The following WBP2 variants were observed in gnomAD, a reference collection of about 807,000 sequenced individuals.
WBP2 encodes the protein WW domain-binding protein 2.
Under a neutral mutation model 33.0 loss-of-function variants are expected in WBP2, and 23 were observed. The observed-to-expected ratio is 0.70, with a 90% CI of 0.50 to 0.99. WBP2 has a LOEUF of 0.99. Ranked by LOEUF, WBP2 falls within the 50% of genes least tolerant of loss-of-function variation. WBP2 has a pLI of 0.00. For synonymous variants in WBP2, 153 were observed against 133.5 expected, an observed-to-expected ratio of 1.15 and a Z score of -1.01; for missense variants, 353 against 358.0, an observed-to-expected ratio of 0.99 and a Z score of 0.11.
At chr17:75,855,412 G>A (rs558882993), upstream of WBP2, 1 of 1,243,110 alleles carries the variant, frequency 8.0e-7, no homozygotes, top group Non-Finnish European at 1.2e-6. Context: ...CGAGTGCGGA[G>A]GCTGGCCCAA....
chr17:75,848,850 A>AGCCTG (rs1386608488), intron 3 of WBP2, 188 bp from the exon 4 acceptor site: 102 of 616,942 alleles, frequency 1.7e-4, no homozygotes, highest in Non-Finnish European at 5.2e-5. Context: ...CCAGCACTGC[A>AGCCTG]GCCTGGCCTG....
At position 75,848,232 on chromosome 17, in the gene WBP2, T is replaced by C. The variant is rs1050999588; in HGVS notation, c.398-302A>G. 6 of 585,288 alleles carry C rather than the reference T, an allele frequency of 1.0e-5. No individual in the cohort carries two copies. The African/African-American group carries it at 1.1e-4, about 11-fold the overall frequency. The allele number at this position is 585,288 out of a possible 1,614,324, so 36.3% of individuals were successfully genotyped here. ...GAGTGAGCTGGCGGAGGATGTCTGC[T>C]GGCCCATCCCTCGGTCATTTTCAAT... On this transcript the variant is annotated intron_variant, in intron 4 of 7. Transcript: ENST00000254806.
intron 1 of WBP2, chr17:75,855,013 T>A (rs1453095808): frequency 1.7e-6 from 1 of 575,578 alleles, no homozygotes; most frequent in Admixed American, 3.0e-5. Flanking sequence ...CCATACCAGG[T>A]CCCCATGCAG....
chr17:75,854,334 G>T (rs1018007923), intron 1 of WBP2, among the ~76,000 whole-genome samples: 1 of 152,096 alleles, frequency 6.6e-6, no homozygotes, highest in East Asian at 1.9e-4. Context: ...ATTCAGGGTC[G>T]GCATAGTTCA....
At chr17:75,855,526 C>G (rs2065053550), upstream of WBP2, 2 of 577,668 alleles carry the variant, frequency 3.5e-6, no homozygotes, top group Middle Eastern at 4.3e-4. Flanking sequence ...GCAACGCCCC[C>G]GCAGCCTCGG....
chr17:75,849,274 A>ATTT, intron 3 of WBP2: 1 of 248,382 alleles, frequency 4.0e-6, no homozygotes. Flanking sequence ...CCTGGCTCTC[A>ATTT]TGAAAAGGCC....
intron 4 of WBP2, 139 bp downstream of exon 4, chr17:75,848,431 C>A: frequency 1.3e-6 from 1 of 766,488 alleles, no homozygotes; most frequent in Non-Finnish European, 2.2e-6. Flanking sequence ...TCCTTCCCAA[C>A]TCCTAGGCCT....
chr17:75,847,390 G>T (rs962259155), intron 6 of WBP2, 97 bp downstream of exon 6: 1 of 1,528,466 alleles, frequency 6.5e-7, no homozygotes, highest in Non-Finnish European at 8.8e-7. Context: ...CATCATCTGC[G>T]GCTCTCAGCA....
At position 75,850,338 on chromosome 17, in the gene WBP2, C is replaced by T. The variant is rs186281019; in HGVS notation, c.169-599G>A. Among the ~76,000 whole-genome samples, 342 of 152,000 alleles carry T rather than the reference C, an allele frequency of 2.2e-3. 1 individual carries two copies. The highest frequency in any genetic ancestry group is 7.8e-3 in the African/African-American group (324 of 41,476). ...TTGGCTCGCTGCAAGCTCCGCCTCC[C>T]GGGTTCACGCCATTCTCCTGCCTCA... On this transcript the variant is annotated intron_variant, in intron 2 of 7. Coordinates refer to ENST00000254806, the MANE Select transcript of WBP2 (RefSeq NM_012478.4).
intron 1 of WBP2, chr17:75,852,048 G>A (rs2065031122): frequency 5.3e-6 from 1 of 188,030 alleles, no homozygotes. Flanking sequence ...AGGTTGCAGT[G>A]AGCTGAGATG....
intron 3 of WBP2, 99 bp downstream of exon 3, chr17:75,849,505 G>A (rs1041345371): frequency 1.2e-5 from 18 of 1,481,212 alleles, no homozygotes; most frequent in African/African-American, 2.8e-5. Context: ...TGGCTAGGGC[G>A]ATAAGGGTCT....
intron 2 of WBP2, among the ~76,000 whole-genome samples, chr17:75,851,016 T>G (rs1389107064): frequency 6.6e-6 from 1 of 152,164 alleles, no homozygotes; most frequent in Non-Finnish European, 1.5e-5. Flanking sequence ...AAATCTTGAG[T>G]AGCCACAGGC....
upstream of WBP2, chr17:75,855,506 T>G: frequency 5.1e-6 from 3 of 587,026 alleles, no homozygotes; most frequent in Non-Finnish European, 9.2e-6. Flanking sequence ...AAGACTACAA[T>G]TCCCAGCAGG....
chr17:75,851,091 C>G (rs2065024888), intron 2 of WBP2: 1 of 157,908 alleles, frequency 6.3e-6, no homozygotes, highest in Non-Finnish European at 1.4e-5. Context: ...GTGGGTAACT[C>G]TCAGGCAGGG....
At chr17:75,849,831 C>T in intron 2 of WBP2, 92 bp from the exon 3 acceptor site, 1 of 1,526,814 alleles carries the variant, frequency 6.5e-7, no homozygotes, top group Non-Finnish European at 8.9e-7. Flanking sequence ...CGAATCCTCT[C>T]CCAGTGCCAG....
intron 2 of WBP2, 126 bp downstream of exon 2, chr17:75,851,442 G>A (rs1003353080): frequency 2.9e-6 from 2 of 696,408 alleles, no homozygotes; most frequent in Non-Finnish European, 5.3e-6. Flanking sequence ...GCAGAGTGAA[G>A]CACTAACACT....
chr17:75,847,833 G>C lies in WBP2; in HGVS notation c.495C>G (p.Pro165=). ...GTGGATAGGGGTAGCCAGGAGGGCAGGGGTACATTCCATTGGCGACTGGCG... is the reference window on the plus strand; with the variant it reads ...GTGGATAGGGGTAGCCAGGAGGGCACGGGTACATTCCATTGGCGACTGGCG... ...YPPPVANGMY[P]CPPGYPYPPP... The change falls in exon 5 of 8, where the codon CCC becomes CCG. Residue 165 remains proline (P), a synonymous_variant. Coordinates refer to ENST00000254806, the MANE Select transcript of WBP2 (RefSeq NM_012478.4). 1.9e-6 allele frequency: 3 copies of C among 1,558,904 alleles called. No homozygotes were observed. Among genetic ancestry groups the C allele is most frequent in the Non-Finnish European group, 2.6e-6 (3 of 1,151,012 alleles).
upstream of WBP2, chr17:75,855,575 T>A (rs1346124783): frequency 2.2e-5 from 11 of 506,554 alleles, no homozygotes; most frequent in African/African-American, 3.8e-5. Flanking sequence ...TTCTGGAACT[T>A]GTAGTCTCCT....
In WBP2 at chr17:75,847,527, T is replaced by C; in HGVS notation, c.615A>G (p.Glu205=). ...GGACATCGGGGCCGCTGACCGGAGG[T>C]TCCATGGGCCCAGGGTAGGGCGGTG... ...PPPPPYPGPM[E]PPVSGPDVPS... Residue 205 remains glutamate (E), a synonymous_variant, in exon 6 of 8, where the codon GAA becomes GAG. Coordinates refer to ENST00000254806, the MANE Select transcript of WBP2 (RefSeq NM_012478.4). 6.3e-7 allele frequency: 1 copy of C among 1,593,218 alleles called. No individual in the cohort carries two copies. The highest frequency in any genetic ancestry group is 1.7e-4 in the Middle Eastern group (1 of 5,914).
Sources: allele counts gnomAD v4.1 joint callset (sites outside exome capture counted in the v4.1 genomes callset), GRCh38; gene constraint gnomAD v4.1.1; transcripts MANE v1.5; gene names NCBI Gene and HGNC (gene_info 2026-07-23, HGNC 2026-07-21).